NBR1: variants seen among roughly 807,000 people sequenced by gnomAD.
NBR1 encodes NBR1 autophagy cargo receptor.
Under a neutral mutation model 115.5 loss-of-function variants are expected in NBR1, and 59 were observed. The observed-to-expected ratio is 0.51, with a 90% CI of 0.41 to 0.63. The LOEUF is 0.63. NBR1 is among the 30% of genes least tolerant of loss of function. The probability of loss-of-function intolerance (pLI) is 0.00; values close to 1 mark genes in which losing one functional copy is unlikely to be tolerated. For synonymous variants in NBR1, 373 were observed against 414.7 expected, an observed-to-expected ratio of 0.90 and a Z score of 1.22; for missense variants, 1,043 against 1,150.5, an observed-to-expected ratio of 0.91 and a Z score of 1.35.
intron 16 of NBR1, among the ~76,000 whole-genome samples, chr17:43,199,147 T>G (rs2057137322): frequency 6.6e-6 from 1 of 151,880 alleles, no homozygotes; most frequent in Non-Finnish European, 1.5e-5. Context: ...GAGTAGCAAG[T>G]TTATGGCTCA....
intron 20 of NBR1, among the ~76,000 whole-genome samples, chr17:43,204,914 C>A (rs987853567): frequency 6.6e-6 from 1 of 151,596 alleles, no homozygotes; most frequent in African/African-American, 2.4e-5. Context: ...TTGAGGCTGC[C>A]GTAGTGAGCC....
intron 5 of NBR1, among the ~76,000 whole-genome samples, 194 bp downstream of exon 5, chr17:43,181,011 A>T (rs2056650399): frequency 6.6e-6 from 1 of 152,076 alleles, no homozygotes. Flanking sequence ...AGCTGGAACT[A>T]CAGAAACACG....
chr17:43,197,884 G>A (rs769309015), intron 16 of NBR1, among the ~76,000 whole-genome samples: 3 of 152,190 alleles, frequency 2.0e-5, no homozygotes, highest in Non-Finnish European at 4.4e-5. Context: ...GGGCACAGTG[G>A]CTCACCCTTG....
At chr17:43,209,534 C>T in intron 20 of NBR1, 2 of 1,518,538 alleles carry the variant, frequency 1.3e-6, no homozygotes, top group Non-Finnish European at 1.8e-6. Flanking sequence ...CCCCCATCAT[C>T]ACAATTACAC....
chr17:43,193,441 T>C lies in NBR1; in HGVS notation c.1327T>C (p.Ser443Pro). ...CLKAGHVGVV[S>P]VEFIAPALEG... ...CAAGGCCGGCCATGTGGGAGTTGTA[T>C]CTGTGGAGTTCATTGCCCCAGCCTT... is the stretch of plus-strand genomic sequence containing the variant. Residue 443 changes from serine (S) to proline (P), a missense_variant, in exon 12 of 21, where the codon TCT (serine) becomes CCT (proline). Transcript: ENST00000590996. 1 of 1,614,002 alleles carries C rather than the reference T, an allele frequency of 6.2e-7. No homozygotes were observed. The highest frequency in any genetic ancestry group is 8.5e-7 in the Non-Finnish European group (1 of 1,179,892).
At chr17:43,194,303 A>G in intron 12 of NBR1, 47 bp from the exon 13 acceptor site, 1 of 1,533,170 alleles carries the variant, frequency 6.5e-7, no homozygotes. Context: ...CTGCCTCTTC[A>G]GTTCTGTTGA....
Position 43,203,710 on chromosome 17 carries a change from G to A in NBR1, c.2651G>A (p.Gly884Glu). Residue 884 changes from glycine (G) to glutamate (E), a missense_variant, in exon 20 of 21, where the codon GGA (glycine) becomes GAA (glutamate). Gly to Glu is a moderately conservative substitution (Grantham distance 98). Transcript: ENST00000590996. ...RHHHGSSIAG[G>E]LVKGALSVAA... ...CATCATGGGAGCAGCATTGCTGGAGGACTGGTGAAGGGGGCTTTGTCTGTT... is the reference window on the plus strand; with the variant it reads ...CATCATGGGAGCAGCATTGCTGGAGAACTGGTGAAGGGGGCTTTGTCTGTT... The A allele has an allele frequency of 6.2e-7, 1 of 1,610,498 alleles. No homozygotes were observed. Among genetic ancestry groups the A allele is most frequent in the Non-Finnish European group, 8.5e-7 (1 of 1,178,178 alleles).
intron 15 of NBR1, among the ~76,000 whole-genome samples, 158 bp downstream of exon 15, chr17:43,196,749 A>G (rs2057077137): frequency 6.6e-6 from 1 of 152,204 alleles, no homozygotes; most frequent in African/African-American, 2.4e-5. Context: ...CATGGCACAG[A>G]TAGCAGCTAT....
At chr17:43,199,627 G>A (rs1451775067) in intron 16 of NBR1, among the ~76,000 whole-genome samples, 1 of 151,840 alleles carries the variant, frequency 6.6e-6, no homozygotes, top group Non-Finnish European at 1.5e-5. Flanking sequence ...TGCCCACGTT[G>A]GCCTCCCAAA....
At chr17:43,171,854 G>C (rs1394691222) in intron 1 of NBR1, among the ~76,000 whole-genome samples, 1 of 152,130 alleles carries the variant, frequency 6.6e-6, no homozygotes, top group Non-Finnish European at 1.5e-5. Context: ...ACCAACCCAG[G>C]CTGGGCTTGA....
rs546973723 is a variant in NBR1, at chr17:43,186,624, C to T, written c.402+180C>T. On this transcript the variant is annotated intron_variant, in intron 6 of 20. Transcript: ENST00000590996. ...CATGGTGGTTTGCTGCACCCATCAACCTATCATCTACCTTAGGTATTTCTC... is the reference window on the plus strand; with the variant it reads ...CATGGTGGTTTGCTGCACCCATCAATCTATCATCTACCTTAGGTATTTCTC... Among the ~76,000 whole-genome samples, 357 of 152,230 alleles carry T rather than the reference C, an allele frequency of 2.3e-3. 3 individuals are homozygous for T. Among genetic ancestry groups the T allele is most frequent in the African/African-American group, 8.4e-3 (350 of 41,520 alleles).
In NBR1 at chr17:43,189,220, C is replaced by T. The variant is rs186510172; in HGVS notation, c.480+101C>T. 7.9e-4 allele frequency: 662 copies of T among 837,388 alleles called. 2 individuals are homozygous for T. Among genetic ancestry groups the T allele is most frequent in the Admixed American group, 2.2e-3 (122 of 55,442 alleles). The allele number at this position is 837,388 out of a possible 1,614,324, so 51.9% of individuals were successfully genotyped here. The stretch of plus-strand genomic sequence containing the variant: ...CCCAGGTGGCTGCTGCCTCTAGTAC[C>T]GGTGAAGAGTGGTAGCTTATAATTT... On this transcript the variant is annotated intron_variant, in intron 7 of 20. Transcript: ENST00000590996.
rs1180115474 is a variant in NBR1 at position 43,179,427 on chromosome 17, G to T, written c.184+15G>T. 6.2e-7 allele frequency: 1 copy of T among 1,611,746 alleles called. No individual in the cohort carries two copies. The stretch of plus-strand genomic sequence containing the variant: ...CAACAGTCAAGGTGAGTCCCTAAGA[G>T]AGTCTGTTCAGCCTTGTTTAAAAAC... On this transcript the variant is annotated intron_variant, in intron 4 of 20. Coordinates refer to ENST00000590996, the MANE Select transcript of NBR1 (RefSeq NM_005899.5).
At position 43,211,622 on chromosome 17, in the gene NBR1, T is replaced by A. The variant is rs1242761545; in HGVS notation, c.*1548T>A. 6.6e-6 allele frequency: 1 copy of A among 152,298 alleles called. No homozygotes were observed. 9.4% of individuals were successfully genotyped at this position (152,298 alleles called of 1,614,324 possible). ...GCCAGGAGGGCCCGGGTTGCTCTCC[T>A]GGTTATGTATGTACTTGTACATAAC... On this transcript the variant is annotated 3_prime_UTR_variant, in exon 21 of 21. Transcript: ENST00000590996.
At chr17:43,193,771 C>A in intron 12 of NBR1, 133 bp downstream of exon 12, 2 of 920,634 alleles carry the variant, frequency 2.2e-6, no homozygotes, top group Non-Finnish European at 3.2e-6. Context: ...CCCCCCGCCC[C>A]AACACATCTC....
chr17:43,209,832 T>C, intron 20 of NBR1, 69 bp from the exon 21 acceptor site: 1 of 1,462,672 alleles, frequency 6.8e-7, no homozygotes, highest in East Asian at 2.5e-5. Context: ...ATGATACAAA[T>C]GTATAAAATA....
chr17:43,186,362 G>A lies in NBR1; in HGVS notation c.320G>A (p.Gly107Glu), dbSNP rs1220803906. The change falls in exon 6 of 21, where the codon GGG (glycine) becomes GAG (glutamate). Residue 107 changes from glycine (G) to glutamate (E), a missense_variant. Coordinates refer to ENST00000590996, the MANE Select transcript of NBR1 (RefSeq NM_005899.5). The part of the protein sequence containing the change: ...VGAKRLAARA[G>E]KKPLAHYSSL... Reference sequence around the variant, plus strand: ...GCAAAACGACTAGCTGCCAGGGCAGGGAAGAAGCCACTTGCACATTACTCT... The same window carrying A: ...GCAAAACGACTAGCTGCCAGGGCAGAGAAGAAGCCACTTGCACATTACTCT... 2 of 1,601,710 alleles carry A rather than the reference G, an allele frequency of 1.2e-6. No homozygotes were observed. Among genetic ancestry groups the A allele is most frequent in the Non-Finnish European group, 1.7e-6 (2 of 1,174,326 alleles).
rs2057400296 is a variant in NBR1, at chr17:43,210,629, C to T, written c.*555C>T. 2.5e-6 allele frequency: 1 copy of T among 398,502 alleles called. No individual in the cohort carries two copies. Among genetic ancestry groups the T allele is most frequent in the Middle Eastern group, 6.3e-4 (1 of 1,584 alleles). 24.7% of individuals were successfully genotyped at this position (398,502 alleles called of 1,614,324 possible). On this transcript the variant is annotated 3_prime_UTR_variant, in exon 21 of 21. Transcript: ENST00000590996. ...AGGAGAAAGTAATTTTCCTGCAATA[C>T]TTAATAATTGGCACCGTTGCTTTCT...
At position 43,189,725 on chromosome 17, in the gene NBR1, G is replaced by A; in HGVS notation, c.618G>A (p.Leu206=). Residue 206 remains leucine, a synonymous_variant, in exon 8 of 21, where the codon TTG becomes TTA. Transcript: ENST00000590996. ...SMPTSEETLF[L]PENQFSWHIA... ...CTACTTCAGAAGAAACATTGTTTTT[G>A]CCAGAAAACCAGTTCAGCTGGCATA... is the stretch of plus-strand genomic sequence containing the variant. 1 of 1,613,948 alleles carries A rather than the reference G, an allele frequency of 6.2e-7. No homozygotes were observed.
Sources: allele counts gnomAD v4.1 joint callset (sites outside exome capture counted in the v4.1 genomes callset), GRCh38; gene constraint gnomAD v4.1.1; transcripts MANE v1.5; gene names NCBI Gene and HGNC (gene_info 2026-07-23, HGNC 2026-07-21).